CAST: variants seen among roughly 807,000 people sequenced by gnomAD.
The protein encoded by CAST is MIR583 host.
Under a neutral mutation model 119.6 loss-of-function variants are expected in CAST, and 76 were observed. That is an observed-to-expected ratio of 0.64 (90% CI 0.53 to 0.77). CAST has a LOEUF of 0.77. Ranked by LOEUF, CAST falls within the 30% of genes least tolerant of loss-of-function variation. The probability of loss-of-function intolerance (pLI) is 0.00; values close to 1 mark genes in which losing one functional copy is unlikely to be tolerated. For missense variants in CAST, 953 were observed against 946.5 expected (o/e 1.01, Z -0.09); for synonymous variants, 319 against 331.6 (o/e 0.96, Z 0.41).
chr5:96,625,020 T>C (rs1747691396), intron 1 of CAST, among the ~76,000 whole-genome samples: 1 of 152,212 alleles, frequency 6.6e-6, no homozygotes, highest in African/African-American at 2.4e-5. Flanking sequence ...AAAGGTTAAT[T>C]CCCTGTGATG....
chr5:96,585,382 A>G (rs1561423184), intron 1 of CAST, among the ~76,000 whole-genome samples: 2 of 152,056 alleles, frequency 1.3e-5, no homozygotes, highest in Non-Finnish European at 2.9e-5. Context: ...CTCCACTCTT[A>G]AGGCCTTTAA....
the CAST span, among the ~76,000 whole-genome samples, chr5:96,127,315 A>G: frequency 6.6e-6 from 1 of 152,210 alleles, no homozygotes; most frequent in African/African-American, 2.4e-5. Context: ...ATAAACTTTC[A>G]TTGTTATTGT....
chr5:96,144,729 G>A, the CAST span, among the ~76,000 whole-genome samples: 25 of 150,878 alleles, frequency 1.7e-4, no homozygotes, highest in Middle Eastern at 3.4e-3. Flanking sequence ...GTGCAGCAGC[G>A]TGATCTCGGC....
chr5:96,488,594 G>T, the CAST span, among the ~76,000 whole-genome samples: 1 of 152,188 alleles, frequency 6.6e-6, no homozygotes, highest in East Asian at 1.9e-4. Flanking sequence ...GTCTTGAGAA[G>T]CTTCCAGATA....
chr5:96,306,855 G>A, the CAST span, among the ~76,000 whole-genome samples: 10 of 152,258 alleles, frequency 6.6e-5, no homozygotes, highest in Non-Finnish European at 8.8e-5. Context: ...TTGCTGAGGC[G>A]TGTTTTACTT....
the CAST span, among the ~76,000 whole-genome samples, chr5:96,237,969 A>G: frequency 3.9e-5 from 6 of 152,008 alleles, no homozygotes; most frequent in African/African-American, 1.4e-4. Flanking sequence ...TTTAGTTAAT[A>G]TTATTATTTG....
chr5:96,503,620 G>C, the CAST span, among the ~76,000 whole-genome samples: 1 of 152,162 alleles, frequency 6.6e-6, no homozygotes, highest in African/African-American at 2.4e-5. Context: ...CACCCACAGA[G>C]ACCTCACAGT....
the CAST span, among the ~76,000 whole-genome samples, chr5:96,344,863 C>T: frequency 2.6e-5 from 4 of 152,108 alleles, no homozygotes; most frequent in African/African-American, 9.7e-5. Flanking sequence ...TTCATTATTG[C>T]TTACACAAAT....
At chr5:96,027,759 C>A in the CAST span, among the ~76,000 whole-genome samples, 2 of 152,056 alleles carry the variant, frequency 1.3e-5, no homozygotes, top group East Asian at 1.9e-4. Context: ...ACCAAAATAT[C>A]CTTGCAACTT....
At chr5:96,171,950 G>A in the CAST span, among the ~76,000 whole-genome samples, 4 of 142,236 alleles carry the variant, frequency 2.8e-5, no homozygotes, top group Admixed American at 2.1e-4. Context: ...TCCGAGTCAC[G>A]GCACCAAATT....
chr5:96,358,508 C>T, the CAST span, among the ~76,000 whole-genome samples: 16 of 152,210 alleles, frequency 1.1e-4, no homozygotes, highest in South Asian at 4.1e-4. Flanking sequence ...TTAGCTGTGT[C>T]GCAGAGATTC....
At chr5:95,967,438 A>AAATAAATC in the CAST span, among the ~76,000 whole-genome samples, 1 of 151,812 alleles carries the variant, frequency 6.6e-6, no homozygotes, top group Admixed American at 6.6e-5. Flanking sequence ...ATAAATAAAT[A>AAATAAATC]AATAAATAAA....
the CAST span, chr5:96,393,024 C>A: frequency 1.9e-6 from 3 of 1,614,108 alleles, no homozygotes; most frequent in Non-Finnish European, 2.5e-6. Flanking sequence ...TTCAGAATGT[C>A]CACCAGAGCT....
At chr5:96,467,653 C>T in the CAST span, among the ~76,000 whole-genome samples, 8 of 151,786 alleles carry the variant, frequency 5.3e-5, no homozygotes, top group South Asian at 8.3e-4. Context: ...CTTGGTAATA[C>T]GTGATAGTAT....
chr5:96,739,372 C>T (rs1762248182), intron 11 of CAST, among the ~76,000 whole-genome samples: 1 of 152,054 alleles, frequency 6.6e-6, no homozygotes, highest in Non-Finnish European at 1.5e-5. Flanking sequence ...AAATTCAGTG[C>T]TTTATAGTGG....
chr5:96,448,406 TTTCA>T, the CAST span, among the ~76,000 whole-genome samples: 13 of 152,282 alleles, frequency 8.5e-5, no homozygotes, highest in East Asian at 5.8e-4. Context: ...ACTTGCTATA[TTTCA>T]TTCATTCATT....
chr5:96,121,868 C>T, the CAST span, among the ~76,000 whole-genome samples: 1 of 152,020 alleles, frequency 6.6e-6, no homozygotes, highest in Admixed American at 6.6e-5. Context: ...CACCCCCTGC[C>T]CACCCCTGCT....
At chr5:96,709,062 G>A (rs1176492547) in intron 3 of CAST, among the ~76,000 whole-genome samples, 2 of 152,234 alleles carry the variant, frequency 1.3e-5, no homozygotes, top group Non-Finnish European at 2.9e-5. Flanking sequence ...GATTTCAACA[G>A]CGTTAATATC....
the CAST span, among the ~76,000 whole-genome samples, chr5:96,160,856 A>G: frequency 3.3e-5 from 5 of 152,176 alleles, no homozygotes; most frequent in East Asian, 3.8e-4. Context: ...ATTTCCCCCA[A>G]TGATTAATGA....
Sources: gnomAD v4.1 joint callset for allele counts (sites outside exome capture counted in the v4.1 genomes callset) on GRCh38, gnomAD v4.1.1 for gene constraint, MANE v1.5 for transcripts, NCBI Gene and HGNC (gene_info 2026-07-23, HGNC 2026-07-21) for gene names.